The following DGUOK variants were observed in gnomAD, a reference collection of about 807,000 sequenced individuals.
DGUOK encodes deoxyguanosine kinase, mitochondrial.
DGUOK carries 30 observed loss-of-function variants against 36.6 expected under a neutral mutation model. The observed-to-expected ratio is 0.82, with a 90% CI of 0.61 to 1.11. The LOEUF is 1.11. Ranked by LOEUF, DGUOK falls within the 50% of genes most tolerant of loss-of-function variation. The probability of loss-of-function intolerance (pLI) is 0.00; values close to 1 mark genes in which losing one functional copy is unlikely to be tolerated. For missense variants in DGUOK, 361 were observed against 336.4 expected (o/e 1.07, Z -0.57); for synonymous variants, 145 against 126.3 (o/e 1.15, Z -0.99).
chr2:73,939,958 A>G (rs1037774349), intron 2 of DGUOK, among the ~76,000 whole-genome samples: 5 of 148,994 alleles, frequency 3.4e-5, no homozygotes, highest in African/African-American at 7.5e-5. Context: ...CTGGGGTGCA[A>G]TGGTGTGATC....
At chr2:73,927,139 G>T in intron 1 of DGUOK, 87 bp downstream of exon 1, 1 of 1,555,902 alleles carries the variant, frequency 6.4e-7, no homozygotes, top group Non-Finnish European at 8.7e-7. Context: ...GGAATGGCCT[G>T]CGTCTGATGC....
intron 1 of DGUOK, among the ~76,000 whole-genome samples, chr2:73,934,168 C>A (rs1408692678): frequency 2.6e-5 from 4 of 151,978 alleles, no homozygotes; most frequent in African/African-American, 4.8e-5. Flanking sequence ...CATTACATAG[C>A]TATGGTAGGC....
intron 1 of DGUOK, among the ~76,000 whole-genome samples, chr2:73,929,557 C>G (rs1488116089): frequency 3.9e-5 from 6 of 152,068 alleles, no homozygotes; most frequent in Non-Finnish European, 1.5e-5. Flanking sequence ...ATGGAAAGGA[C>G]TGAGCCCTGA....
At chr2:73,943,608 G>A (rs1228951100) in intron 2 of DGUOK, among the ~76,000 whole-genome samples, 2 of 151,744 alleles carry the variant, frequency 1.3e-5, no homozygotes, top group Non-Finnish European at 2.9e-5. Context: ...ACTGTTTGAG[G>A]GGAATCATTA....
At chr2:73,957,996 T>G in intron 5 of DGUOK, 150 bp from the exon 6 acceptor site, 1 of 639,342 alleles carries the variant, frequency 1.6e-6, no homozygotes, top group Non-Finnish European at 2.8e-6. Flanking sequence ...TTATTGAATT[T>G]GTTTTTTTAA....
At chr2:73,951,986 TAGTGCGACTCCATTTCTACAAAAA>T (rs994265544) in intron 4 of DGUOK, among the ~76,000 whole-genome samples, 5 of 152,120 alleles carry the variant, frequency 3.3e-5, no homozygotes, top group African/African-American at 1.2e-4. Context: ...ATAGGCGATA[TAGTGCGACTCCATTTCTACAAAAA>T]AGTTTAAAAA....
intron 4 of DGUOK, among the ~76,000 whole-genome samples, chr2:73,954,020 C>T (rs1428228540): frequency 1.3e-5 from 2 of 151,978 alleles, no homozygotes; most frequent in African/African-American, 2.4e-5. Context: ...GTCTGGCCCC[C>T]TAACTTCTTA....
intron 3 of DGUOK, chr2:73,947,768 G>C (rs926630157): frequency 1.3e-5 from 2 of 152,230 alleles, no homozygotes; most frequent in African/African-American, 2.4e-5. Flanking sequence ...ACCAGTGTCA[G>C]TGTGAAATAG....
intron 2 of DGUOK, among the ~76,000 whole-genome samples, chr2:73,945,022 T>A (rs774294169): frequency 6.6e-6 from 1 of 152,242 alleles, no homozygotes; most frequent in African/African-American, 2.4e-5. Flanking sequence ...TGGTCCACTC[T>A]GCTCTATATG....
At chr2:73,941,741 T>A (rs1166923796) in intron 2 of DGUOK, among the ~76,000 whole-genome samples, 1 of 152,170 alleles carries the variant, frequency 6.6e-6, no homozygotes, top group South Asian at 2.1e-4. Context: ...TGCTTGTTTT[T>A]TAATATAAAG....
rs753051426 is a variant in DGUOK, at chr2:73,946,711, C to T, written c.256-8C>T. The T allele has an allele frequency of 1.2e-6, 2 of 1,613,894 alleles. No homozygotes were observed. Among genetic ancestry groups the T allele is most frequent in the South Asian group, 1.1e-5 (1 of 91,078 alleles). ...GGAAATTTTCTTCTTTTTTTCATCT[C>T]CCTCTAGGCCTGCACTGCCCAAAGT... is the stretch of plus-strand genomic sequence containing the variant. On this transcript the variant is annotated splice_region_variant and splice_polypyrimidine_tract_variant and intron_variant, in intron 2 of 6. Coordinates refer to ENST00000264093, the MANE Select transcript of DGUOK (RefSeq NM_080916.3).
At chr2:73,946,927 C>CCAGT in intron 3 of DGUOK, 21 bp downstream of exon 3, 1 of 1,598,952 alleles carries the variant, frequency 6.3e-7, no homozygotes, top group Non-Finnish European at 8.5e-7. Flanking sequence ...AAGCCCTCCA[C>CCAGT]CAGTCACAAG....
intron 1 of DGUOK, among the ~76,000 whole-genome samples, chr2:73,932,442 A>G (rs1358187496): frequency 6.6e-6 from 1 of 152,130 alleles, no homozygotes; most frequent in Non-Finnish European, 1.5e-5. Flanking sequence ...TGTATTGCTG[A>G]CACCTAACCC....
chr2:73,935,264 C>T (rs1244199628), intron 1 of DGUOK, among the ~76,000 whole-genome samples: 3 of 152,112 alleles, frequency 2.0e-5, no homozygotes, highest in Non-Finnish European at 4.4e-5. Flanking sequence ...AGCAGCTAAG[C>T]TGGGATCTAA....
chr2:73,958,757 C>A lies in DGUOK; in HGVS notation c.*21C>A. 2 of 1,604,716 alleles carry A rather than the reference C, an allele frequency of 1.2e-6. No homozygotes were observed. The highest frequency in any genetic ancestry group is 8.5e-7 in the Non-Finnish European group (1 of 1,171,364). On this transcript the variant is annotated 3_prime_UTR_variant, in exon 7 of 7. Transcript: ENST00000264093. ...TGTAACCAATACCATGAAGTTCAGG[C>A]TGTGATCTGGGCTCCCTGACTTTCT... is the stretch of plus-strand genomic sequence containing the variant.
chr2:73,945,750 C>G (rs1682251802), intron 2 of DGUOK, among the ~76,000 whole-genome samples: 1 of 152,156 alleles, frequency 6.6e-6, no homozygotes, highest in African/African-American at 2.4e-5. Flanking sequence ...ATGGCAGATC[C>G]AGAAAAGAAT....
intron 2 of DGUOK, among the ~76,000 whole-genome samples, chr2:73,944,330 T>TA (rs1434004650): frequency 1.3e-5 from 2 of 152,240 alleles, no homozygotes; most frequent in Admixed American, 1.3e-4. Flanking sequence ...CTTAAACTGA[T>TA]ACTCTGTAAG....
chr2:73,927,078 G>T (rs1484602292), intron 1 of DGUOK, 26 bp downstream of exon 1: 2 of 1,604,624 alleles, frequency 1.2e-6, no homozygotes, highest in Non-Finnish European at 8.5e-7. Flanking sequence ...CGGCTGCCAA[G>T]CCTTGGCCTC....
intron 2 of DGUOK, among the ~76,000 whole-genome samples, chr2:73,942,440 A>G (rs1370913731): frequency 6.6e-6 from 1 of 152,144 alleles, no homozygotes; most frequent in Non-Finnish European, 1.5e-5. Context: ...ATGGTTATCT[A>G]CTTAGCCAGT....
Sources: allele counts gnomAD v4.1 joint callset (sites outside exome capture counted in the v4.1 genomes callset), GRCh38; gene constraint gnomAD v4.1.1; transcripts MANE v1.5; gene names NCBI Gene and HGNC (gene_info 2026-07-23, HGNC 2026-07-21).